ASTN2: variants seen among roughly 807,000 people sequenced by gnomAD.
ASTN2 encodes astrotactin 2, also known as astrotactin-2.
In ASTN2, 54 loss-of-function variants were observed where a neutral mutation model predicts 139.8. The ratio of observed to expected loss-of-function variants is 0.39; its 90% CI spans 0.31 to 0.48. The LOEUF is 0.48. ASTN2 is among the 20% of genes least tolerant of loss of function. The pLI, the probability that ASTN2 is intolerant of heterozygous loss-of-function variation, is 0.95. For synonymous variants in ASTN2, 756 were observed against 719.5 expected (o/e 1.05, Z -0.81); for missense variants, 1,565 against 1,725.1 (o/e 0.91, Z 1.64).
intron 10 of ASTN2, among the ~76,000 whole-genome samples, chr9:116,884,880 A>G (rs1192669110): frequency 7.3e-6 from 1 of 136,116 alleles, no homozygotes; most frequent in Admixed American, 8.5e-5. Flanking sequence ...CAGTGGCGCT[A>G]TCTTGGCTCA....
At chr9:116,579,206 C>T (rs1045878757) in intron 19 of ASTN2, 2 of 152,120 alleles carry the variant, frequency 1.3e-5, no homozygotes, top group Non-Finnish European at 2.9e-5. Context: ...CAATCAATGC[C>T]TGGAAAGGTG....
intron 1 of ASTN2, among the ~76,000 whole-genome samples, chr9:117,341,124 GC>G (rs1829050735): frequency 6.6e-6 from 1 of 152,266 alleles, no homozygotes; most frequent in South Asian, 2.1e-4. Context: ...GTTTTTTAAA[GC>G]CCTTGAGCAA....
At chr9:117,250,448 C>T (rs940209878) in intron 2 of ASTN2, among the ~76,000 whole-genome samples, 1 of 152,186 alleles carries the variant, frequency 6.6e-6, no homozygotes, top group Non-Finnish European at 1.5e-5. Context: ...TAATTTTTAT[C>T]AGTTAATCCC....
intron 1 of ASTN2, among the ~76,000 whole-genome samples, chr9:117,323,194 G>C (rs886304263): frequency 2.0e-5 from 3 of 151,988 alleles, no homozygotes; most frequent in Non-Finnish European, 4.4e-5. Flanking sequence ...TACACACAGA[G>C]ATACCATGAA....
intron 5 of ASTN2, among the ~76,000 whole-genome samples, chr9:117,085,091 T>G (rs993182476): frequency 6.6e-6 from 1 of 152,170 alleles, no homozygotes; most frequent in African/African-American, 2.4e-5. Context: ...CCAGCTGACC[T>G]TGTTGTCTTC....
intron 7 of ASTN2, among the ~76,000 whole-genome samples, chr9:116,986,804 G>T (rs1473472887): frequency 1.3e-5 from 2 of 152,186 alleles, no homozygotes; most frequent in Non-Finnish European, 2.9e-5. Context: ...AGATGGTTCT[G>T]CTGTCCCCAG....
At chr9:116,505,227 T>C (rs1417526363) in intron 19 of ASTN2, among the ~76,000 whole-genome samples, 1 of 151,798 alleles carries the variant, frequency 6.6e-6, no homozygotes, top group Non-Finnish European at 1.5e-5. Flanking sequence ...AGTCTACTCA[T>C]TCCTTTAATC....
chr9:116,524,682 C>G (rs1851016551), intron 19 of ASTN2, among the ~76,000 whole-genome samples: 2 of 152,192 alleles, frequency 1.3e-5, no homozygotes, highest in African/African-American at 4.8e-5. Context: ...ATAAAGTTCC[C>G]TGTACAATGT....
chr9:116,935,700 T>C (rs12376100), intron 10 of ASTN2, among the ~76,000 whole-genome samples: 27,376 of 152,234 alleles, frequency 0.18, 2,835 homozygotes, highest in East Asian at 0.25. Flanking sequence ...GTCACCTCTC[T>C]GTGTCAGTTT....
At chr9:116,843,805 A>G (rs1832344029) in intron 11 of ASTN2, among the ~76,000 whole-genome samples, 1 of 152,146 alleles carries the variant, frequency 6.6e-6, no homozygotes, top group African/African-American at 2.4e-5. Context: ...AAAACTACTT[A>G]TTGGGCACTA....
At chr9:116,962,569 C>A (rs1835902518) in intron 10 of ASTN2, among the ~76,000 whole-genome samples, 1 of 152,168 alleles carries the variant, frequency 6.6e-6, no homozygotes, top group South Asian at 2.1e-4. Context: ...GACTTCATTT[C>A]TTAAAGATTT....
chr9:116,846,269 G>C (rs2132314054), intron 11 of ASTN2, among the ~76,000 whole-genome samples: 1 of 152,290 alleles, frequency 6.6e-6, no homozygotes, highest in Non-Finnish European at 1.5e-5. Flanking sequence ...GCTGTAGATT[G>C]GGTGTACAAC....
chr9:116,696,652 G>A (rs803930), intron 16 of ASTN2, among the ~76,000 whole-genome samples: 117,700 of 152,072 alleles, frequency 0.77, 46,259 homozygotes, highest in African/African-American at 0.91. Flanking sequence ...TTTTTATTTC[G>A]TTTATAGTAC....
rs111926425 is a variant in ASTN2 at position 116,480,089 on chromosome 9, G to T, written c.3497+7270C>A. ...AAGAAAAAGAGAGAGAGGGAGGGAA[G>T]CAAGGAAGGAAGGATGGGTGAAGAA... On this transcript the variant is annotated intron_variant, in intron 20 of 22. Coordinates refer to ENST00000313400, the MANE Select transcript of ASTN2 (RefSeq NM_001365068.1). 3.5e-3 allele frequency among the ~76,000 whole-genome samples: 538 copies of T among 151,820 alleles called. 1 individual carries two copies. Among genetic ancestry groups the T allele is most frequent in the African/African-American group, 0.013 (521 of 41,360 alleles).
At chr9:116,908,692 C>T (rs904126021) in intron 10 of ASTN2, among the ~76,000 whole-genome samples, 2 of 152,178 alleles carry the variant, frequency 1.3e-5, no homozygotes, top group Non-Finnish European at 2.9e-5. Flanking sequence ...CCACATTTGA[C>T]ACTTCCTTTT....
intron 19 of ASTN2, among the ~76,000 whole-genome samples, chr9:116,579,806 CCCTAAGTCACA>C (rs539721017): frequency 4.1e-4 from 62 of 152,190 alleles, no homozygotes; most frequent in Non-Finnish European, 7.8e-4. Flanking sequence ...CCCTCACTGG[CCCTAAGTCACA>C]CCTAAGTCAC....
At position 116,699,923 on chromosome 9, in the gene ASTN2, A is replaced by G; in HGVS notation, c.2806+25848T>C. 1.5e-6 allele frequency: 1 copy of G among 657,322 alleles called. No homozygotes were observed. Among genetic ancestry groups the G allele is most frequent in the Non-Finnish European group, 2.6e-6 (1 of 377,838 alleles). The allele number at this position is 657,322 out of a possible 1,614,324, so 40.7% of individuals were successfully genotyped here. A position where few individuals can be genotyped will look rare whatever the true frequency, so the allele number is the denominator to read the frequency against. ...GAGCTTTAAAAGATGCACTGCCCAA[A>G]TAGGACACACGATGGTGTTAGCTGA... On this transcript the variant is annotated intron_variant, in intron 16 of 22. Coordinates refer to ENST00000313400, the MANE Select transcript of ASTN2 (RefSeq NM_001365068.1). This position sits in a 1 kb window ranked among gnomAD's most constrained non-coding sequence, Gnocchi z 4.2.
intron 13 of ASTN2, among the ~76,000 whole-genome samples, chr9:116,743,534 C>T (rs564330968): frequency 5.9e-5 from 9 of 152,024 alleles, no homozygotes; most frequent in South Asian, 4.2e-4. Flanking sequence ...TCCAGTGAGA[C>T]GGGATCTCAC....
intron 11 of ASTN2, among the ~76,000 whole-genome samples, chr9:116,832,940 TTTTATTTA>T (rs376636277): frequency 1.3e-5 from 2 of 149,822 alleles, no homozygotes; most frequent in Admixed American, 6.7e-5. Context: ...TTTTGTTTTG[TTTTATTTA>T]TTTATTTATT....
Sources: allele counts gnomAD v4.1 joint callset (sites outside exome capture counted in the v4.1 genomes callset), GRCh38; gene constraint gnomAD v4.1.1; non-coding constraint Gnocchi (gnomAD v3.1); transcripts MANE v1.5; gene names NCBI Gene and HGNC (gene_info 2026-07-23, HGNC 2026-07-21).